The following SETD2 variants were observed in gnomAD, a reference collection of about 807,000 sequenced individuals.
The protein encoded by SETD2 is histone-lysine N-methyltransferase SETD2.
SETD2 carries 31 observed loss-of-function variants against 242.1 expected under a neutral mutation model. The observed-to-expected ratio is 0.13, with a 90% confidence interval of 0.10 to 0.17. The LOEUF (loss-of-function observed/expected upper bound fraction) is 0.17, where lower values mean the gene tolerates loss of function less well. Among genes scored for constraint, SETD2 ranks in the 10% least tolerant of loss-of-function variants. The pLI is 1.00. For missense variants in SETD2, 2,481 were observed against 3,046.3 expected, an observed-to-expected ratio of 0.81 and a Z score of 4.37; for synonymous variants, 1,006 against 1,066.5, an observed-to-expected ratio of 0.94 and a Z score of 1.11.
intron 12 of SETD2, among the ~76,000 whole-genome samples, chr3:47,069,088 C>T (rs747864130): frequency 9.2e-5 from 14 of 152,176 alleles, no homozygotes; most frequent in Non-Finnish European, 1.5e-4. Context: ...CCACCGCACC[C>T]GGCCCTTCAA....
intron 1 of SETD2, among the ~76,000 whole-genome samples, chr3:47,152,337 G>A (rs934077332): frequency 6.6e-6 from 1 of 152,134 alleles, no homozygotes. Flanking sequence ...CTCCAATCAA[G>A]TATTGATAAA....
chr3:47,019,631 C>T, intron 19 of SETD2, 129 bp downstream of exon 19: 2 of 755,556 alleles, frequency 2.6e-6, no homozygotes, highest in Non-Finnish European at 4.5e-6. Context: ...GCAAGACATA[C>T]ACACAAGGAA....
intron 15 of SETD2, among the ~76,000 whole-genome samples, chr3:47,047,608 G>A (rs1252914441): frequency 1.3e-5 from 2 of 152,064 alleles, no homozygotes; most frequent in Admixed American, 6.6e-5. Flanking sequence ...GTCTGAATAG[G>A]CAATGCAGCT....
At chr3:47,066,779 TA>T (rs889495124) in intron 13 of SETD2, among the ~76,000 whole-genome samples, 50 of 147,058 alleles carry the variant, frequency 3.4e-4, no homozygotes, top group South Asian at 8.4e-4. Flanking sequence ...AAAGACTAAA[TA>T]AAAAAAATAA....
At chr3:47,146,556 G>A (rs984828833) in intron 1 of SETD2, among the ~76,000 whole-genome samples, 1 of 151,680 alleles carries the variant, frequency 6.6e-6, no homozygotes, top group East Asian at 1.9e-4. Flanking sequence ...TGAATCCAGA[G>A]GCAGAGGTTG....
At chr3:47,125,343 A>G (rs61283069) in intron 2 of SETD2, among the ~76,000 whole-genome samples, 1 of 18,586 alleles carries the variant, frequency 5.4e-5, no homozygotes, top group Non-Finnish European at 9.3e-5. Flanking sequence ...TTTAAAAATT[A>G]AAAAAAAAAA....
intron 1 of SETD2, among the ~76,000 whole-genome samples, chr3:47,138,650 A>AACCTAGC (rs1256698481): frequency 6.6e-6 from 1 of 150,654 alleles, no homozygotes; most frequent in Non-Finnish European, 1.5e-5. Flanking sequence ...TGAACTCCCA[A>AACCTAGC]ACTCTGGTGA....
At position 47,123,032 on chromosome 3, in the gene SETD2, T is replaced by A. The variant is rs756943490; in HGVS notation, c.1604A>T (p.Asn535Ile). ...TGACCCTCGTCGGAATCCCAGTTCA[T>A]TAGGGGGAGAACAACATCTTTTAAT... ...EAIKRCCSPPNELGFRRGSSY... is the reference protein window; with the variant it reads ...EAIKRCCSPPIELGFRRGSSY... Residue 535 changes from asparagine (N) to isoleucine (I), a missense_variant, in exon 3 of 21, where the codon AAT becomes ATT. Physicochemically the swap from Asn to Ile is moderately radical, Grantham distance 149. Coordinates refer to ENST00000409792, the MANE Select transcript of SETD2 (RefSeq NM_014159.7). 1 of 1,614,056 alleles carries A rather than the reference T, an allele frequency of 6.2e-7. No homozygotes were observed. The highest frequency in any genetic ancestry group is 1.7e-5 in the Admixed American group (1 of 60,014).
chr3:47,054,439 A>T (rs2039971662), intron 15 of SETD2, among the ~76,000 whole-genome samples: 1 of 152,166 alleles, frequency 6.6e-6, no homozygotes, highest in Non-Finnish European at 1.5e-5. Flanking sequence ...CAGGAATAGG[A>T]ATGGGGATAG....
Position 47,016,685 on chromosome 3 carries a change from A to G in SETD2, c.*408T>C, listed in dbSNP as rs559631850. 53 of 237,684 alleles carry G rather than the reference A, an allele frequency of 2.2e-4. No homozygotes were observed. The Middle Eastern group carries it at 6.2e-3, about 28-fold the overall frequency. 14.7% of individuals were successfully genotyped at this position (237,684 alleles called of 1,614,324 possible). ...GCAAAACGAAAACCAAACAAAAACC[A>G]GGAAAAAACAAATTATTTTCAATAT... On this transcript the variant is annotated 3_prime_UTR_variant, in exon 21 of 21. Transcript: ENST00000409792.
chr3:47,071,205 C>T (rs1227760187), intron 12 of SETD2, among the ~76,000 whole-genome samples: 5 of 152,198 alleles, frequency 3.3e-5, no homozygotes, highest in African/African-American at 1.2e-4. Context: ...AATCTGCTTC[C>T]ACACTCCATC....
intron 15 of SETD2, among the ~76,000 whole-genome samples, chr3:47,050,742 T>TTTTTTTG: frequency 1.5e-5 from 2 of 135,354 alleles, no homozygotes; most frequent in South Asian, 2.5e-4. Flanking sequence ...TTTTTTTTTT[T>TTTTTTTG]TTTTTTGAGA....
intron 18 of SETD2, among the ~76,000 whole-genome samples, chr3:47,022,256 G>A (rs1189355936): frequency 6.7e-6 from 1 of 149,644 alleles, no homozygotes. Flanking sequence ...GGGGTTCAGT[G>A]ACTCATGCCT....
At chr3:47,088,068 C>T (rs765483525) in intron 10 of SETD2, 45 bp downstream of exon 10, 50 of 1,571,562 alleles carry the variant, frequency 3.2e-5, no homozygotes, top group Non-Finnish European at 4.3e-6. Flanking sequence ...TTCATTCATT[C>T]CCACCACAAA....
chr3:47,128,315 A>C (rs1459509304), intron 1 of SETD2, among the ~76,000 whole-genome samples: 4 of 152,234 alleles, frequency 2.6e-5, no homozygotes, highest in Non-Finnish European at 5.9e-5. Context: ...AGCAATCAAA[A>C]GCCACAAGTC....
chr3:47,121,719 T>C lies in SETD2; in HGVS notation c.2917A>G (p.Arg973Gly), dbSNP rs1390921555. The C allele has an allele frequency of 1.9e-6, 3 of 1,614,162 alleles. No individual in the cohort carries two copies. The South Asian group carries it at 3.3e-5, about 18-fold the overall frequency. ...QEEGNSILPE[R>G]RGRPEISLDE... ...AAAGAGATTTCTGGTCTTCCTCTTC[T>C]TTCAGGCAATATGGAATTCCCTTCT... Residue 973 changes from arginine (R) to glycine (G), a missense_variant, in exon 3 of 21, where the codon AGA becomes GGA. By Grantham distance (125) the Arg-to-Gly change is moderately radical (BLOSUM62 -2). Around this residue, in one of 17 missense-constraint regions of SETD2, gnomAD observed 1,300 missense variants for 1,259.2 expected, o/e 1.03. Transcript: ENST00000409792.
chr3:47,112,344 C>T (rs28735306), intron 5 of SETD2, among the ~76,000 whole-genome samples: 6,436 of 151,966 alleles, frequency 0.042, 467 homozygotes, highest in African/African-American at 0.15. Flanking sequence ...TACAATGGCG[C>T]AATCTCGGCT....
intron 2 of SETD2, among the ~76,000 whole-genome samples, chr3:47,125,310 C>T (rs2043285182): frequency 6.8e-6 from 1 of 146,618 alleles, no homozygotes; most frequent in African/African-American, 2.6e-5. Flanking sequence ...CAGAGCGAGC[C>T]TCTGTCTCAA....
intron 1 of SETD2, among the ~76,000 whole-genome samples, chr3:47,147,999 C>T (rs1055263284): frequency 6.6e-6 from 1 of 151,522 alleles, no homozygotes; most frequent in African/African-American, 2.4e-5. Flanking sequence ...ATGCTTAGAA[C>T]CCTCTTACAA....
Sources: gnomAD v4.1 joint callset for allele counts (sites outside exome capture counted in the v4.1 genomes callset) on GRCh38, gnomAD v4.1.1 for gene constraint, gnomAD v4.1.1 regional missense constraint, MANE v1.5 for transcripts, NCBI Gene and HGNC (gene_info 2026-07-23, HGNC 2026-07-21) for gene names.